Variants in SPTBN4 observed in about 807,000 individuals in gnomAD.
SPTBN4 encodes the protein spectrin beta, non-erythrocytic 4.
A neutral mutation model predicts 277.8 loss-of-function variants in SPTBN4; 96 were observed. The ratio of observed to expected loss-of-function variants is 0.35; its 90% CI spans 0.29 to 0.41. The LOEUF is 0.41. SPTBN4 is among the 10% of genes least tolerant of loss of function. The probability of loss-of-function intolerance (pLI) is 1.00; values close to 1 mark genes in which losing one functional copy is unlikely to be tolerated. For missense variants in SPTBN4, 3,006 were observed against 3,595.7 expected (o/e 0.84, Z 4.19); for synonymous variants, 1,481 against 1,580.3 (o/e 0.94, Z 1.49).
chr19:40,556,629 CA>C (rs1487782329), intron 25 of SPTBN4, among the ~76,000 whole-genome samples: 2 of 152,100 alleles, frequency 1.3e-5, no homozygotes, highest in African/African-American at 4.8e-5. Context: ...TTACCTGCCA[CA>C]AAATGGTAGC....
Position 40,554,777 on chromosome 19 carries a change from G to C in SPTBN4, c.5084+131G>C. 1 of 1,434,432 alleles carries C rather than the reference G, an allele frequency of 7.0e-7. No homozygotes were observed. The highest frequency in any genetic ancestry group is 9.4e-7 in the Non-Finnish European group (1 of 1,059,082). 88.9% of individuals were successfully genotyped at this position (1,434,432 alleles called of 1,614,324 possible). ...CTCCTTGCTGTGTGCTGGAGCCCTC[G>C]AATTTGGCAAGTGGGCGGGCCGGAA... On this transcript the variant is annotated intron_variant, in intron 24 of 35. Coordinates refer to ENST00000598249, the MANE Select transcript of SPTBN4 (RefSeq NM_020971.3). This position sits in a 1 kb window ranked among gnomAD's most constrained non-coding sequence, Gnocchi z 5.7.
intron 20 of SPTBN4, among the ~76,000 whole-genome samples, chr19:40,535,562 A>C (rs77195695): frequency 1.5e-4 from 11 of 75,768 alleles, no homozygotes; most frequent in African/African-American, 5.9e-4. Flanking sequence ...GTGTATGGCA[A>C]AAAAAAAAAA....
In SPTBN4 at chr19:40,550,139, A is replaced by C. The variant is rs188330718; in HGVS notation, c.4585-99A>C. Reference sequence around the variant, plus strand: ...GAATATTCAACTGGGCTCTTAGGCAAGGAAGGGCCTGGGATGCCGTGCAGG... The same window carrying C: ...GAATATTCAACTGGGCTCTTAGGCACGGAAGGGCCTGGGATGCCGTGCAGG... On this transcript the variant is annotated intron_variant, in intron 21 of 35. Transcript: ENST00000598249. The C allele has an allele frequency of 8.3e-5, 79 of 952,452 alleles. No individual in the cohort carries two copies. The African/African-American group carries it at 1.1e-3, about 14-fold the overall frequency. 59.0% of individuals were successfully genotyped at this position (952,452 alleles called of 1,614,324 possible).
intron 1 of SPTBN4, among the ~76,000 whole-genome samples, chr19:40,468,141 G>T (rs1429850176): frequency 1.3e-5 from 2 of 151,440 alleles, no homozygotes; most frequent in East Asian, 1.9e-4. Context: ...GTAATGGCGC[G>T]ATCTTGGCTC....
intron 7 of SPTBN4, among the ~76,000 whole-genome samples, chr19:40,499,781 C>T (rs989304188): frequency 2.0e-5 from 3 of 152,068 alleles, no homozygotes; most frequent in African/African-American, 7.2e-5. Flanking sequence ...GGAAACCAGA[C>T]CTTATGGCTC....
chr19:40,564,551 G>T (rs770916061), intron 27 of SPTBN4, among the ~76,000 whole-genome samples: 6 of 152,022 alleles, frequency 3.9e-5, no homozygotes, highest in Non-Finnish European at 5.9e-5. Flanking sequence ...TGAAAATTTG[G>T]ATCTTGGCTG....
intron 13 of SPTBN4, among the ~76,000 whole-genome samples, chr19:40,509,085 CTTTTTTT>C (rs35597606): frequency 1.0e-5 from 1 of 100,268 alleles, no homozygotes; most frequent in Non-Finnish European, 2.0e-5. Flanking sequence ...TTGTTTATTG[CTTTTTTT>C]TTTTTTTTTT....
In SPTBN4 at chr19:40,563,669, G is replaced by A. The variant is rs146810585; in HGVS notation, c.5916-1754G>A. ...TCCCAATCTCAGCCAAGCGGAGATC[G>A]CACCACTGCAGTCCAGCCTAGGTGA... is the stretch of plus-strand genomic sequence containing the variant. On this transcript the variant is annotated intron_variant, in intron 27 of 35. Transcript: ENST00000598249. Among the ~76,000 whole-genome samples the A allele has an allele frequency of 4.0e-3, 560 of 139,584 alleles. 4 individuals carry two copies. The highest frequency in any genetic ancestry group is 0.015 in the African/African-American group (545 of 37,128). 91.6% of individuals were successfully genotyped at this position (139,584 alleles called of 152,430 possible). A position where few individuals can be genotyped will look rare whatever the true frequency, so the allele number is the denominator to read the frequency against.
In SPTBN4 at chr19:40,502,594, A is replaced by G; in HGVS notation, c.1203+87A>G. On this transcript the variant is annotated intron_variant, in intron 10 of 35. Coordinates refer to ENST00000598249, the MANE Select transcript of SPTBN4 (RefSeq NM_020971.3). The surrounding 1 kb of genome is among the most constrained non-coding windows in gnomAD (Gnocchi z 4.9). ...TGCTCAAGGGAATCATTCACATTGT[A>G]GACATGATGGATTAGATATTCATTC... is the stretch of plus-strand genomic sequence containing the variant. 7.0e-7 allele frequency: 1 copy of G among 1,436,890 alleles called. No individual in the cohort carries two copies. The highest frequency in any genetic ancestry group is 9.5e-7 in the Non-Finnish European group (1 of 1,057,770). The allele number at this position is 1,436,890 out of a possible 1,614,324, so 89.0% of individuals were successfully genotyped here. A position where few individuals can be genotyped will look rare whatever the true frequency, so the allele number is the denominator to read the frequency against.
At chr19:40,488,508 C>G (rs1034445958) in intron 3 of SPTBN4, among the ~76,000 whole-genome samples, 4 of 152,066 alleles carry the variant, frequency 2.6e-5, no homozygotes, top group Admixed American at 2.0e-4. Context: ...TAGGAACAAA[C>G]AGCTGGGCGC....
chr19:40,530,607 G>A, intron 18 of SPTBN4: 1 of 976,738 alleles, frequency 1.0e-6, no homozygotes, highest in Non-Finnish European at 1.2e-6. Context: ...GGGGCGCCCA[G>A]GGGAGGGGGT....
chr19:40,513,784 C>T (rs1340995893), intron 14 of SPTBN4, among the ~76,000 whole-genome samples: 1 of 152,114 alleles, frequency 6.6e-6, no homozygotes, highest in Non-Finnish European at 1.5e-5. Flanking sequence ...TTGTGATGAA[C>T]GGTAAATGAG....
chr19:40,512,838 A>C lies in SPTBN4; in HGVS notation c.2049A>C (p.Gly683=), dbSNP rs1303057569. The change falls in exon 14 of 36, where the codon GGA becomes GGC. Residue 683 remains glycine, a synonymous_variant. Transcript: ENST00000598249. The part of the protein sequence containing the change: ...GGAAGAAGAA[G]TAGGAHDLSS... Reference sequence around the variant, plus strand: ...CGGCGGGCGCAGCGGGCGCAGCGGGAACAGCGGGCGGCGCGCATGACCTGT... The same window carrying C: ...CGGCGGGCGCAGCGGGCGCAGCGGGCACAGCGGGCGGCGCGCATGACCTGT... 3.4e-6 allele frequency: 5 copies of C among 1,450,632 alleles called. No homozygotes were observed. The highest frequency in any genetic ancestry group is 4.5e-6 in the Non-Finnish European group (5 of 1,113,640). 89.9% of individuals were successfully genotyped at this position (1,450,632 alleles called of 1,614,324 possible). A position where few individuals can be genotyped will look rare whatever the true frequency, so the allele number is the denominator to read the frequency against.
intron 1 of SPTBN4, among the ~76,000 whole-genome samples, chr19:40,470,125 A>G (rs1053975761): frequency 1.9e-4 from 29 of 151,628 alleles, no homozygotes; most frequent in African/African-American, 7.0e-4. Context: ...CAGTCTCCTG[A>G]GTAGCTGGGA....
rs775127507 is a variant in SPTBN4, at chr19:40,503,959, G to C, written c.1492G>C (p.Glu498Gln). The C allele has an allele frequency of 5.6e-6, 9 of 1,613,930 alleles. No individual in the cohort carries two copies. In the South Asian group the frequency reaches 8.8e-5, roughly 16 times the overall value. Residue 498 changes from glutamate to glutamine, a missense_variant, in exon 12 of 36, where the codon GAA (glutamate) becomes CAA (glutamine). Transcript: ENST00000598249. ...GGAGCTGGCCCAGGCATTGGCAGCC[G>C]AAGGCTACTACGATATCCGGCGGGT... ...VAELAQALAA[E>Q]GYYDIRRVAA...
intron 2 of SPTBN4, among the ~76,000 whole-genome samples, chr19:40,479,679 T>C (rs1230200625): frequency 8.5e-6 from 1 of 117,374 alleles, no homozygotes; most frequent in Non-Finnish European, 1.9e-5. Context: ...AGTAAGCATA[T>C]ATATATATAT....
intron 30 of SPTBN4, 47 bp from the exon 31 acceptor site, chr19:40,567,616 G>GCCCCCCCCCACCCACCAAAA: frequency 1.8e-6 from 1 of 551,358 alleles, no homozygotes; most frequent in Non-Finnish European, 2.8e-6. Flanking sequence ...CCCTTACCCC[G>GCCCCCCCCCACCCACCAAAA]CCCCGGCCCC....
At chr19:40,485,867 G>C (rs1227356044) in intron 2 of SPTBN4, among the ~76,000 whole-genome samples, 1 of 151,342 alleles carries the variant, frequency 6.6e-6, no homozygotes, top group Non-Finnish European at 1.5e-5. Flanking sequence ...TTTCTCCAAA[G>C]ATATACAACT....
Position 40,568,213 on chromosome 19 carries a change from G to T in SPTBN4, c.6887G>T (p.Arg2296Leu). The T allele has an allele frequency of 6.2e-7, 1 of 1,601,902 alleles. No individual in the cohort carries two copies. Among genetic ancestry groups the T allele is most frequent in the Non-Finnish European group, 8.5e-7 (1 of 1,174,534 alleles). ...YEQMERRRER[R>L]ERRLERQESS... ...CAGATGGAGCGGCGGCGCGAGCGGC[G>T]TGAGCGGCGCTTGGAGCGGCAGGAG... The change falls in exon 31 of 36, where the codon CGT becomes CTT. Residue 2296 changes from arginine (R) to leucine (L), a missense_variant. Around this residue, in one of 5 missense-constraint regions of SPTBN4, gnomAD observed 630 missense variants for 677.6 expected, o/e 0.93. Transcript: ENST00000598249.
Sources: gnomAD v4.1 joint callset for allele counts (sites outside exome capture counted in the v4.1 genomes callset) on GRCh38, gnomAD v4.1.1 for gene constraint, gnomAD v4.1.1 regional missense constraint, Gnocchi (gnomAD v3.1) non-coding constraint, MANE v1.5 for transcripts, NCBI Gene and HGNC (gene_info 2026-07-23, HGNC 2026-07-21) for gene names.